Variants in SMYD4 observed in about 807,000 individuals in gnomAD.
SMYD4 encodes the protein protein-lysine N-methyltransferase SMYD4.
SMYD4 carries 68 observed loss-of-function variants against 72.8 expected under a neutral mutation model. That is an observed-to-expected ratio of 0.93 (90% CI 0.77 to 1.14). The LOEUF (loss-of-function observed/expected upper bound fraction) is 1.14, where lower values mean the gene tolerates loss of function less well. SMYD4 is among the 50% of genes most tolerant of loss of function. The pLI is 0.00. For missense variants in SMYD4, 984 were observed against 1,003.7 expected (o/e 0.98, Z 0.27); for synonymous variants, 407 against 388.6 (o/e 1.05, Z -0.56).
At position 1,800,598 on chromosome 17, in the gene SMYD4, C is replaced by A. The variant is rs1269764562; in HGVS notation, c.796G>T (p.Val266Leu). The change falls in exon 5 of 11, where the codon GTG (valine) becomes TTG (leucine). Residue 266 changes from valine to leucine, a missense_variant. Val to Leu is a conservative substitution (Grantham distance 32). Transcript: ENST00000305513. The part of the protein sequence containing the change: ...GELLVQEDAF[V>L]SVLNPGELPP... ...AGTTCTCCTGGGTTGAGAACACTCA[C>A]AAAAGCATCCTCCTGCACCAGGAGC... 1 of 1,614,156 alleles carries A rather than the reference C, an allele frequency of 6.2e-7. No individual in the cohort carries two copies. Among genetic ancestry groups the A allele is most frequent in the Non-Finnish European group, 8.5e-7 (1 of 1,179,972 alleles).
In SMYD4 at chr17:1,800,011, G is replaced by A; in HGVS notation, c.1383C>T (p.Ala461=). The A allele has an allele frequency of 3.1e-6, 5 of 1,614,128 alleles. No individual in the cohort carries two copies. Among genetic ancestry groups the A allele is most frequent in the Non-Finnish European group, 2.5e-6 (3 of 1,180,022 alleles). The change falls in exon 5 of 11, where the codon GCC becomes GCT. Residue 461 remains alanine, a synonymous_variant. Coordinates refer to ENST00000305513, the MANE Select transcript of SMYD4 (RefSeq NM_052928.3). ...AGTTCACAATCCTCTCAGTTGGGAT[G>A]GCCTGTAAACTGGCTGCTTCTAGCT... is the stretch of plus-strand genomic sequence containing the variant. The part of the protein sequence containing the change: ...CRQLEAASLQ[A]IPTERIVNSS...
intron 2 of SMYD4, among the ~76,000 whole-genome samples, chr17:1,819,491 G>GA (rs1265485952): frequency 6.6e-6 from 1 of 152,136 alleles, no homozygotes; most frequent in Non-Finnish European, 1.5e-5. Flanking sequence ...GGCAATTGCT[G>GA]AATCTCTGCA....
rs1910445850 is a variant in SMYD4 at position 1,813,680 on chromosome 17, T to G, written c.135-1565A>C. Among the ~76,000 whole-genome samples, 3 of 152,228 alleles carry G rather than the reference T, an allele frequency of 2.0e-5. No individual in the cohort carries two copies. The South Asian group carries it at 6.2e-4, about 32-fold the overall frequency. On this transcript the variant is annotated intron_variant, in intron 2 of 10. Coordinates refer to ENST00000305513, the MANE Select transcript of SMYD4 (RefSeq NM_052928.3). ...ATCTGCCCACTTTGGCCTCCCAAAG[T>G]GCTAGATCACAGGTGTGAGCCACTG...
chr17:1,819,773 C>T (rs1464944142), intron 2 of SMYD4, among the ~76,000 whole-genome samples: 1 of 152,078 alleles, frequency 6.6e-6, no homozygotes, highest in Non-Finnish European at 1.5e-5. Flanking sequence ...TTTACACAGA[C>T]ATAATATGTA....
chr17:1,793,685 C>T (rs1433364554), intron 5 of SMYD4, among the ~76,000 whole-genome samples: 2 of 151,978 alleles, frequency 1.3e-5, no homozygotes, highest in Non-Finnish European at 2.9e-5. Context: ...AAAGAGGCAA[C>T]TTATAGGGAT....
At chr17:1,827,335 T>A in intron 2 of SMYD4, among the ~76,000 whole-genome samples, 1 of 139,402 alleles carries the variant, frequency 7.2e-6, no homozygotes, top group Admixed American at 7.5e-5. Context: ...CGAGACAGTC[T>A]CAAGAAAAAG....
chr17:1,784,510 A>G lies in SMYD4; in HGVS notation c.1885-49T>C, dbSNP rs760047027. On this transcript the variant is annotated intron_variant, in intron 7 of 10. Transcript: ENST00000305513. ...ATTCCAATGCCAGGGTCAGTTATCA[A>G]CACCGCCTGTGCTTACATTACAGGA... 3.1e-6 allele frequency: 5 copies of G among 1,609,472 alleles called. No homozygotes were observed. The African/African-American group carries it at 5.3e-5, about 17-fold the overall frequency.
chr17:1,816,632 A>T (rs2151249608), intron 2 of SMYD4, among the ~76,000 whole-genome samples: 1 of 151,508 alleles, frequency 6.6e-6, no homozygotes, highest in African/African-American at 2.4e-5. Flanking sequence ...AAAAAAAAAA[A>T]ATTTTTTTTT....
intron 1 of SMYD4, among the ~76,000 whole-genome samples, chr17:1,828,241 C>T (rs886267999): frequency 2.6e-5 from 4 of 151,708 alleles, no homozygotes; most frequent in African/African-American, 4.8e-5. Context: ...GTCCCAGCTA[C>T]TCGGGAGGCT....
At chr17:1,804,472 C>T (rs1264206034) in intron 4 of SMYD4, 154 bp downstream of exon 4, 31 of 643,988 alleles carry the variant, frequency 4.8e-5, no homozygotes, top group Non-Finnish European at 7.8e-5. Context: ...GCGCCCAGTC[C>T]GACTTTAGGT....
At chr17:1,792,525 C>G (rs897771013) in intron 5 of SMYD4, among the ~76,000 whole-genome samples, 13 of 152,098 alleles carry the variant, frequency 8.5e-5, no homozygotes, top group African/African-American at 3.1e-4. Flanking sequence ...CACCTGAGCC[C>G]AGCTACTTGG....
At chr17:1,806,311 G>A (rs1267631113) in intron 3 of SMYD4, among the ~76,000 whole-genome samples, 1 of 152,078 alleles carries the variant, frequency 6.6e-6, no homozygotes, top group Non-Finnish European at 1.5e-5. Flanking sequence ...GTTATCAAAG[G>A]TTAATAAACT....
rs1344046320 is a variant in SMYD4, at chr17:1,827,889, T to C, written c.106A>G (p.Ile36Val). The C allele has an allele frequency of 5.0e-6, 8 of 1,609,356 alleles. No homozygotes were observed. The highest frequency in any genetic ancestry group is 6.8e-6 in the Non-Finnish European group (8 of 1,176,078). Residue 36 changes from isoleucine (I) to valine (V), a missense_variant, in exon 2 of 11, where the codon ATC (isoleucine) becomes GTC (valine). Ile to Val is a conservative substitution (Grantham distance 29). Coordinates refer to ENST00000305513, the MANE Select transcript of SMYD4 (RefSeq NM_052928.3). ...TISTAETLRDIFLHSSSLLQP... is the reference protein window; with the variant it reads ...TISTAETLRDVFLHSSSLLQP... ...AGAAGTGAAGAGGAGTGAAGAAAGA[T>C]ATCCCTCAAGGTCTCTGCTGTAGAA... is the stretch of plus-strand genomic sequence containing the variant.
rs886902680 is a variant in SMYD4 at position 1,795,339 on chromosome 17, CATCT to C, written c.1537+4514_1537+4517del. 1.2e-3 allele frequency among the ~76,000 whole-genome samples: 82 copies of C among 69,948 alleles called. 1 individual carries two copies. Among genetic ancestry groups the C allele is most frequent in the Non-Finnish European group, 3.2e-3 (57 of 17,580 alleles). 45.9% of individuals were successfully genotyped at this position (69,948 alleles called of 152,430 possible). ...CTGGCTATCTATCTATCTATCTAAT[CATCT>C]ATCTATCTATCTAAGAGACTTGCTC... is the stretch of plus-strand genomic sequence containing the variant. On this transcript the variant is annotated intron_variant, in intron 5 of 10. Coordinates refer to ENST00000305513, the MANE Select transcript of SMYD4 (RefSeq NM_052928.3).
At chr17:1,819,465 G>A (rs936429482) in intron 2 of SMYD4, among the ~76,000 whole-genome samples, 3 of 152,104 alleles carry the variant, frequency 2.0e-5, no homozygotes, top group Non-Finnish European at 2.9e-5. Context: ...GCTAAGTTTG[G>A]TCACTTACTT....
intron 3 of SMYD4, among the ~76,000 whole-genome samples, chr17:1,811,329 C>T (rs1910320420): frequency 6.6e-6 from 1 of 152,140 alleles, no homozygotes; most frequent in Admixed American, 6.6e-5. Flanking sequence ...TGCATGCCAC[C>T]ACTAGTCAGG....
chr17:1,816,524 G>A (rs1268810682), intron 2 of SMYD4, among the ~76,000 whole-genome samples: 1 of 151,468 alleles, frequency 6.6e-6, no homozygotes, highest in African/African-American at 2.4e-5. Context: ...GGGGACTGAG[G>A]CAAGAGAATC....
rs567880463 is a variant in SMYD4, at chr17:1,800,263, C to T, written c.1131G>A (p.Lys377=). The change falls in exon 5 of 11, where the codon AAG becomes AAA. Residue 377 remains lysine (K), a synonymous_variant. Transcript: ENST00000305513. Reference sequence around the variant, plus strand: ...TGTTGCTTTCAGGTAAACAGATGTCCTTGTTACTAATCTTATCACAAAGCT... The same window carrying T: ...TGTTGCTTTCAGGTAAACAGATGTCTTTGTTACTAATCTTATCACAAAGCT... ...ITKLCDKISN[K]DICLPESNNQ... 2 of 1,614,074 alleles carry T rather than the reference C, an allele frequency of 1.2e-6. No homozygotes were observed. Among genetic ancestry groups the T allele is most frequent in the Non-Finnish European group, 1.7e-6 (2 of 1,180,024 alleles).
chr17:1,799,954 T>C lies in SMYD4; in HGVS notation c.1440A>G (p.Glu480=), dbSNP rs1909620274. Residue 480 remains glutamate (E), a synonymous_variant, in exon 5 of 11, where the codon GAA becomes GAG. Transcript: ENST00000305513. ...CCCAAATAGTCACGTCAGGACACAA[T>C]TCAGGTGTCACTGCTGCTTTAAGCT... ...SSQLKAAVTP[E]LCPDVTIWGV... is the part of the protein sequence containing the mutation. 1 of 1,614,126 alleles carries C rather than the reference T, an allele frequency of 6.2e-7. No individual in the cohort carries two copies. The highest frequency in any genetic ancestry group is 8.5e-7 in the Non-Finnish European group (1 of 1,180,022).
Sources: allele counts gnomAD v4.1 joint callset (sites outside exome capture counted in the v4.1 genomes callset), GRCh38; gene constraint gnomAD v4.1.1; transcripts MANE v1.5; gene names NCBI Gene and HGNC (gene_info 2026-07-23, HGNC 2026-07-21).